The following NLRP14 variants were observed in gnomAD, a reference collection of about 807,000 sequenced individuals.
NLRP14 encodes the protein NACHT, LRR and PYD domains-containing protein 14.
NLRP14 carries 105 observed loss-of-function variants against 94.7 expected under a neutral mutation model. The ratio of observed to expected loss-of-function variants is 1.11; its 90% confidence interval spans 0.95 to 1.30. NLRP14 has a LOEUF of 1.30. Ranked by LOEUF, NLRP14 falls within the 50% of genes most tolerant of loss-of-function variation. The pLI is 0.00. For missense variants in NLRP14, 1,362 were observed against 1,254.1 expected (o/e 1.09, Z -1.30); for synonymous variants, 508 against 459.9 (o/e 1.10, Z -1.34).
chr11:7,030,597 A>G (rs1420629772), intron 1 of NLRP14, among the ~76,000 whole-genome samples: 2 of 151,772 alleles, frequency 1.3e-5, no homozygotes, highest in Non-Finnish European at 2.9e-5. Context: ...GTATACTACA[A>G]TTCATTATTT....
chr11:7,068,775 C>T (rs1183999541), intron 10 of NLRP14, among the ~76,000 whole-genome samples: 6 of 152,128 alleles, frequency 3.9e-5, no homozygotes, highest in East Asian at 1.9e-4. Context: ...CCCAGCCTCA[C>T]GAGTAGCTAG....
the NLRP14 span, among the ~76,000 whole-genome samples, chr11:7,080,480 G>A: frequency 4.6e-5 from 7 of 152,154 alleles, no homozygotes; most frequent in South Asian, 1.5e-3. Flanking sequence ...AAATAACCAG[G>A]TCCATGCATG....
At chr11:7,023,576 C>A (rs1165786772) in intron 1 of NLRP14, among the ~76,000 whole-genome samples, 1 of 147,846 alleles carries the variant, frequency 6.8e-6, no homozygotes, top group African/African-American at 2.5e-5. Flanking sequence ...ATATAAAAAT[C>A]TCCAAGCTAA....
chr11:7,041,053 TAAG>T (rs1852241062), intron 3 of NLRP14, among the ~76,000 whole-genome samples: 2 of 152,096 alleles, frequency 1.3e-5, no homozygotes, highest in Non-Finnish European at 2.9e-5. Context: ...AAATAGAAAA[TAAG>T]AAGTACAGCA....
chr11:7,045,962 G>T (rs1002300381), intron 4 of NLRP14, among the ~76,000 whole-genome samples: 5 of 152,154 alleles, frequency 3.3e-5, no homozygotes, highest in African/African-American at 1.2e-4. Flanking sequence ...GTGAGTGGCA[G>T]TGTTGAATTG....
chr11:7,044,439 C>T (rs1444790399), intron 4 of NLRP14, among the ~76,000 whole-genome samples: 3 of 152,128 alleles, frequency 2.0e-5, no homozygotes, highest in Non-Finnish European at 4.4e-5. Context: ...TATATTCCTC[C>T]GTACTCCACT....
At chr11:7,087,395 G>A in the NLRP14 span, among the ~76,000 whole-genome samples, 3 of 152,176 alleles carry the variant, frequency 2.0e-5, no homozygotes, top group Non-Finnish European at 4.4e-5. Flanking sequence ...GGTCTTCCTT[G>A]CTTGGAGCCC....
At chr11:7,047,269 G>A (rs892838327) in intron 5 of NLRP14, among the ~76,000 whole-genome samples, 1 of 151,810 alleles carries the variant, frequency 6.6e-6, no homozygotes, top group Non-Finnish European at 1.5e-5. Flanking sequence ...CCCAAAACAA[G>A]ATAGAAAATA....
In NLRP14 at chr11:7,071,514, A is replaced by G. The variant is rs1455742145; in HGVS notation, c.*206A>G. ...GAGAGGCTAAAATAAAATGAAAAGC[A>G]TAAAACTCTCTGAAAAGTATGTTTT... On this transcript the variant is annotated 3_prime_UTR_variant, in exon 12 of 12. Transcript: ENST00000299481. 8.5e-6 allele frequency among the ~76,000 whole-genome samples: 1 copy of G among 117,094 alleles called. No homozygotes were observed. Among genetic ancestry groups the G allele is most frequent in the Non-Finnish European group, 1.9e-5 (1 of 53,948 alleles). The allele number at this position is 117,094 out of a possible 152,430, so 76.8% of individuals were successfully genotyped here.
At chr11:7,059,871 T>C (rs1047285655) in intron 8 of NLRP14, 23 bp from the exon 9 acceptor site, 12 of 1,600,886 alleles carry the variant, frequency 7.5e-6, no homozygotes, top group South Asian at 2.2e-5. Flanking sequence ...ATTCCATCTT[T>C]CTTCACATTG....
At chr11:7,065,213 T>C (rs1852687681) in intron 10 of NLRP14, among the ~76,000 whole-genome samples, 1 of 152,142 alleles carries the variant, frequency 6.6e-6, no homozygotes, top group Non-Finnish European at 1.5e-5. Flanking sequence ...AAAAGACATA[T>C]CTCATTTATT....
chr11:7,039,852 T>G, intron 3 of NLRP14, 67 bp downstream of exon 3: 1 of 1,198,914 alleles, frequency 8.3e-7, no homozygotes, highest in Non-Finnish European at 1.2e-6. Context: ...CGGTGATTTA[T>G]CTCCCGAGGA....
rs77823646 is a variant in NLRP14, at chr11:7,029,065, G to T, written c.-22+8295G>T. Among the ~76,000 whole-genome samples the T allele has an allele frequency of 3.7e-3, 566 of 152,298 alleles. 5 individuals carry two copies. Among genetic ancestry groups the T allele is most frequent in the African/African-American group, 0.013 (535 of 41,570 alleles). On this transcript the variant is annotated intron_variant, in intron 1 of 11. Coordinates refer to ENST00000299481, the MANE Select transcript of NLRP14 (RefSeq NM_176822.4). ...AAAAAATGTAAAAGGATACATACCAGAGAATTGATATGTTCAATGTGTATT... is the reference window on the plus strand; with the variant it reads ...AAAAAATGTAAAAGGATACATACCATAGAATTGATATGTTCAATGTGTATT...
At chr11:7,049,310 T>C (rs1252959154) in intron 5 of NLRP14, among the ~76,000 whole-genome samples, 1 of 152,228 alleles carries the variant, frequency 6.6e-6, no homozygotes, top group Non-Finnish European at 1.5e-5. Flanking sequence ...AGACAGTTGA[T>C]GCTAATTTTG....
chr11:7,045,052 T>A (rs1383557406), intron 4 of NLRP14, among the ~76,000 whole-genome samples: 1 of 152,192 alleles, frequency 6.6e-6, no homozygotes, highest in African/African-American at 2.4e-5. Flanking sequence ...CACATCTGAT[T>A]GTAATTTCTT....
chr11:7,023,285 T>C (rs950201523), intron 1 of NLRP14, among the ~76,000 whole-genome samples: 45 of 147,718 alleles, frequency 3.0e-4, no homozygotes, highest in South Asian at 6.3e-4. Context: ...AATCTTAAAA[T>C]AGGTATTTTA....
At chr11:7,046,868 C>T (rs1423610275) in intron 5 of NLRP14, 36 bp downstream of exon 5, 1 of 1,525,480 alleles carries the variant, frequency 6.6e-7, no homozygotes, top group African/African-American at 1.4e-5. Context: ...TGGAGTTATT[C>T]TAATTTCTTT....
chr11:7,055,901 T>C (rs1852509193), intron 6 of NLRP14, among the ~76,000 whole-genome samples: 1 of 152,052 alleles, frequency 6.6e-6, no homozygotes, highest in Middle Eastern at 3.2e-3. Context: ...TTGGTAGCAC[T>C]ATTAAGAGGA....
At position 7,043,398 on chromosome 11, in the gene NLRP14, T is replaced by G; in HGVS notation, c.1372T>G (p.Ser458Ala). Residue 458 changes from serine (S) to alanine (A), a missense_variant, in exon 4 of 12, where the codon TCT becomes GCT. Coordinates refer to ENST00000299481, the MANE Select transcript of NLRP14 (RefSeq NM_176822.4). ...RRLGLTQSDV[S>A]SFMDSNIIQK... is the part of the protein sequence containing the mutation. ...GCTTGGGTTAACTCAATCTGATGTC[T>G]CTAGTTTTATGGACAGCAATATTAT... 1 of 1,614,082 alleles carries G rather than the reference T, an allele frequency of 6.2e-7. No homozygotes were observed. The highest frequency in any genetic ancestry group is 8.5e-7 in the Non-Finnish European group (1 of 1,179,924).
Sources: allele counts gnomAD v4.1 joint callset (sites outside exome capture counted in the v4.1 genomes callset), GRCh38; gene constraint gnomAD v4.1.1; transcripts MANE v1.5; gene names NCBI Gene and HGNC (gene_info 2026-07-23, HGNC 2026-07-21).